SCML2: variants seen among roughly 807,000 people sequenced by gnomAD.
SCML2 encodes the protein Scm polycomb group protein like 2.
A neutral mutation model predicts 48.4 loss-of-function variants in SCML2; 6 were observed. The observed-to-expected ratio is 0.12, with a 90% CI of 0.07 to 0.24. SCML2 has a LOEUF of 0.24. Among genes scored for constraint, SCML2 ranks in the 10% least tolerant of loss-of-function variants. The pLI, the probability that SCML2 is intolerant of heterozygous loss-of-function variation, is 1.00. For synonymous variants in SCML2, 181 were observed against 189.5 expected, an observed-to-expected ratio of 0.95 and a Z score of 0.37; for missense variants, 377 against 528.2, an observed-to-expected ratio of 0.71 and a Z score of 2.81.
At chrX:18,257,530 T>C (rs1484561518) in intron 10 of SCML2, among the ~76,000 whole-genome samples, 2 of 111,629 alleles carry the variant, frequency 1.8e-5, no homozygotes, top group African/African-American at 6.5e-5. Flanking sequence ...AAGTAAACTT[T>C]TCAAACCAGG....
intron 7 of SCML2, among the ~76,000 whole-genome samples, chrX:18,300,886 C>T (rs1928565797): frequency 9.0e-6 from 1 of 110,851 alleles, no homozygotes; most frequent in Non-Finnish European, 1.9e-5. Flanking sequence ...AGGTTCAGTT[C>T]ACCAGGAAAT....
intron 2 of SCML2, among the ~76,000 whole-genome samples, chrX:18,331,758 C>T (rs963711525): frequency 8.9e-6 from 1 of 111,833 alleles, no homozygotes; most frequent in African/African-American, 3.2e-5. Flanking sequence ...CCTTTCTTCT[C>T]GTTTTTATTC....
intron 6 of SCML2, among the ~76,000 whole-genome samples, chrX:18,313,007 G>GCA (rs571825737): frequency 2.2e-5 from 2 of 91,972 alleles, no homozygotes; most frequent in African/African-American, 9.3e-5. Context: ...GTGTGTGTGT[G>GCA]CGCGTGTGTG....
At chrX:18,279,074 T>C (rs989924176) in intron 7 of SCML2, among the ~76,000 whole-genome samples, 1 of 112,175 alleles carries the variant, frequency 8.9e-6, no homozygotes, top group Non-Finnish European at 1.9e-5. Flanking sequence ...ACAACAGTCA[T>C]CAGAGGGGGC....
At chrX:18,265,434 G>A (rs1441302451) in intron 8 of SCML2, 151 bp downstream of exon 8, 3 of 457,889 alleles carry the variant, frequency 6.6e-6, no homozygotes, top group African/African-American at 2.4e-5. Context: ...ACAATCTATC[G>A]ATAGTTATGT....
At chrX:18,354,485 C>A in intron 1 of SCML2, 107 bp downstream of exon 1, 2 of 227,802 alleles carry the variant, frequency 8.8e-6, no homozygotes, top group Admixed American at 1.4e-4. Context: ...GTTCCTCGCA[C>A]GGGACGCGCG....
chrX:18,294,690 A>C (rs1233864986), intron 7 of SCML2, among the ~76,000 whole-genome samples: 2 of 110,210 alleles, frequency 1.8e-5, no homozygotes, highest in Non-Finnish European at 3.8e-5. Flanking sequence ...GTGGCACAAC[A>C]ACCATTAGAC....
intron 3 of SCML2, among the ~76,000 whole-genome samples, chrX:18,326,414 T>C (rs1485579835): frequency 9.1e-6 from 1 of 110,048 alleles, no homozygotes; most frequent in Non-Finnish European, 1.9e-5. Context: ...CCAGGTGCGG[T>C]GGCTCTGTAA....
rs1041835501 is a variant in SCML2 at position 18,239,872 on chromosome X, C to T, written c.*1379G>A. ...ATTAGCTGGGCGTGGTGGTGCATTC[C>T]TGTAATCGCTGAGGCAGGAGAATTG... is the stretch of plus-strand genomic sequence containing the variant. On this transcript the variant is annotated 3_prime_UTR_variant, in exon 15 of 15. Coordinates refer to ENST00000251900, the MANE Select transcript of SCML2 (RefSeq NM_006089.3). The T allele has an allele frequency of 9.0e-6, 1 of 111,527 alleles. No individual in the cohort carries two copies. The highest frequency in any genetic ancestry group is 9.6e-5 in the Admixed American group (1 of 10,420). 9.2% of individuals were successfully genotyped at this position (111,527 alleles called of 1,213,427 possible).
intron 1 of SCML2, among the ~76,000 whole-genome samples, chrX:18,345,896 G>A: frequency 9.4e-6 from 1 of 105,882 alleles, no homozygotes; most frequent in East Asian, 3.0e-4. Flanking sequence ...GGGACTATAG[G>A]CATGTGCCAA....
At chrX:18,331,258 T>TAA (rs1336159132) in intron 2 of SCML2, among the ~76,000 whole-genome samples, 1 of 3,299 alleles carries the variant, frequency 3.0e-4, no homozygotes, top group Non-Finnish European at 6.1e-4. Context: ...AGACTCCGTC[T>TAA]CAAAAAAAAA....
intron 1 of SCML2, among the ~76,000 whole-genome samples, chrX:18,350,998 G>A (rs1930357996): frequency 9.0e-6 from 1 of 111,052 alleles, no homozygotes; most frequent in Non-Finnish European, 1.9e-5. Context: ...GCCGGGCGTG[G>A]TGGCTCACAC....
intron 11 of SCML2, among the ~76,000 whole-genome samples, chrX:18,253,693 T>C (rs897377271): frequency 1.8e-5 from 2 of 111,643 alleles, no homozygotes; most frequent in African/African-American, 3.3e-5. Context: ...AAGACGTGTA[T>C]AGAATGTTCA....
At chrX:18,250,982 C>A (rs959091719) in intron 11 of SCML2, among the ~76,000 whole-genome samples, 16 of 110,098 alleles carry the variant, frequency 1.5e-4, no homozygotes, top group African/African-American at 4.6e-4. Flanking sequence ...ACCATCAGAT[C>A]TCATGAGAAC....
At chrX:18,272,226 AC>A (rs1927486536) in intron 7 of SCML2, among the ~76,000 whole-genome samples, 2 of 112,301 alleles carry the variant, frequency 1.8e-5, no homozygotes, top group Middle Eastern at 4.6e-3. Context: ...AAGGACTGTT[AC>A]TGTCAGATAA....
rs956426183 is a variant in SCML2, at chrX:18,240,559, A to G, written c.*692T>C. Reference sequence around the variant, plus strand: ...TAAATATCTCCTGCATAAAATGACAATTCTATCCTATAATTTAAAAAATTT... The same window carrying G: ...TAAATATCTCCTGCATAAAATGACAGTTCTATCCTATAATTTAAAAAATTT... On this transcript the variant is annotated 3_prime_UTR_variant, in exon 15 of 15. Coordinates refer to ENST00000251900, the MANE Select transcript of SCML2 (RefSeq NM_006089.3). The G allele has an allele frequency of 8.9e-6, 1 of 112,413 alleles. No homozygotes were observed. The highest frequency in any genetic ancestry group is 3.2e-5 in the African/African-American group (1 of 30,981). 9.3% of individuals were successfully genotyped at this position (112,413 alleles called of 1,213,427 possible).
At chrX:18,268,798 A>C (rs369247150) in intron 7 of SCML2, among the ~76,000 whole-genome samples, 2 of 110,527 alleles carry the variant, frequency 1.8e-5, no homozygotes, top group South Asian at 3.9e-4. Flanking sequence ...TTTTCTCTCT[A>C]GTTTTCGAAG....
intron 8 of SCML2, among the ~76,000 whole-genome samples, chrX:18,261,133 T>C (rs1249312397): frequency 1.8e-5 from 2 of 109,112 alleles, no homozygotes; most frequent in Non-Finnish European, 3.8e-5. Flanking sequence ...TATTTAACAT[T>C]GATACAGTGT....
At chrX:18,255,052 T>C (rs1002036876) in intron 11 of SCML2, among the ~76,000 whole-genome samples, 4 of 111,329 alleles carry the variant, frequency 3.6e-5, no homozygotes, top group African/African-American at 9.8e-5. Context: ...GGCCCTTCCC[T>C]TCCTAGCCAT....
Sources: gnomAD v4.1 joint callset for allele counts (sites outside exome capture counted in the v4.1 genomes callset) on GRCh38, gnomAD v4.1.1 for gene constraint, MANE v1.5 for transcripts, NCBI Gene and HGNC (gene_info 2026-07-23, HGNC 2026-07-21) for gene names.